ZNF658: variants seen among roughly 807,000 people sequenced by gnomAD.
ZNF658 encodes the protein zinc finger protein 658.
Under a neutral mutation model 78.0 loss-of-function variants are expected in ZNF658, and 46 were observed. The observed-to-expected ratio is 0.59, with a 90% CI of 0.47 to 0.75. The LOEUF is 0.75. ZNF658 is among the 30% of genes least tolerant of loss of function. The pLI is 0.00. For missense variants in ZNF658, 785 were observed against 1,189.3 expected, an observed-to-expected ratio of 0.66 and a Z score of 5.00; for synonymous variants, 279 against 408.4, an observed-to-expected ratio of 0.68 and a Z score of 3.82.
At position 66,921,012 on chromosome 9, in the gene ZNF658, A is replaced by G. The variant is rs1341555475; in HGVS notation, c.*266A>G. The G allele has an allele frequency of 1.9e-6, 1 of 518,700 alleles. No individual in the cohort carries two copies. The highest frequency in any genetic ancestry group is 3.5e-6 in the Non-Finnish European group (1 of 288,300). 32.1% of individuals were successfully genotyped at this position (518,700 alleles called of 1,614,324 possible). Reference sequence around the variant, plus strand: ...TGGATTTGGAGGTTATTTCTGCAGCAAACTTGGGTCCTGTGTGTTCAAAAC... The same window carrying G: ...TGGATTTGGAGGTTATTTCTGCAGCGAACTTGGGTCCTGTGTGTTCAAAAC... On this transcript the variant is annotated 3_prime_UTR_variant, in exon 5 of 5. Coordinates refer to ENST00000621410, the MANE Select transcript of ZNF658 (RefSeq NM_033160.7).
chr9:66,910,190 C>G (rs1298598887), intron 4 of ZNF658, among the ~76,000 whole-genome samples: 1 of 152,144 alleles, frequency 6.6e-6, no homozygotes, highest in Non-Finnish European at 1.5e-5. Context: ...ACAAATAAGT[C>G]TATAACAATT....
chr9:66,908,894 G>T (rs1822147589), intron 4 of ZNF658, among the ~76,000 whole-genome samples, 160 bp downstream of exon 4: 1 of 152,112 alleles, frequency 6.6e-6, no homozygotes, highest in African/African-American at 2.4e-5. Context: ...AGCAACCACA[G>T]ATCAAAACTA....
rs1309522761 is a variant in ZNF658 at position 66,918,943 on chromosome 9, G to A, written c.1377G>A (p.Leu459=). The A allele has an allele frequency of 6.7e-7, 1 of 1,496,680 alleles. No homozygotes were observed. The highest frequency in any genetic ancestry group is 1.8e-5 in the Admixed American group (1 of 54,296). 92.7% of individuals were successfully genotyped at this position (1,496,680 alleles called of 1,614,324 possible). A position where few individuals can be genotyped will look rare whatever the true frequency, so the allele number is the denominator to read the frequency against. The part of the protein sequence containing the change: ...FCQNSNLSKH[L]RIHTKEKPCD... ...AGAATTCAAACCTCAGTAAACATCT[G>A]AGAATTCACACAAAAGAGAAACCTT... The change falls in exon 5 of 5, where the codon CTG becomes CTA. Residue 459 remains leucine, a synonymous_variant. Coordinates refer to ENST00000621410, the MANE Select transcript of ZNF658 (RefSeq NM_033160.7).
chr9:66,908,267 G>T lies in ZNF658; in HGVS notation c.45G>T (p.Val15=). Residue 15 remains valine, a synonymous_variant, in exon 3 of 5, where the codon GTG becomes GTT. Coordinates refer to ENST00000621410, the MANE Select transcript of ZNF658 (RefSeq NM_033160.7). ...QASVSFQDVT[V]EFTREEWQHL... ...CAGTGTCATTCCAGGACGTGACTGT[G>T]GAATTCACCCGGGAGGAGTGGCAGC... 1 of 1,614,112 alleles carries T rather than the reference G, an allele frequency of 6.2e-7. No individual in the cohort carries two copies. Among genetic ancestry groups the T allele is most frequent in the Non-Finnish European group, 8.5e-7 (1 of 1,180,000 alleles).
Position 66,918,658 on chromosome 9 carries a change from G to C in ZNF658, c.1092G>C (p.Gln364His). ...EHNECTDALYQKLDFTAHQRI... is the reference protein window; with the variant it reads ...EHNECTDALYHKLDFTAHQRI... ...ATGAATGTACAGATGCCCTCTACCA[G>C]AAATTAGACTTTACAGCACATCAGA... The change falls in exon 5 of 5, where the codon CAG becomes CAC. Residue 364 changes from glutamine to histidine, a missense_variant. Gln to His is a conservative substitution (Grantham distance 24, BLOSUM62 0). This residue lies in a region of ZNF658 where 393 missense variants were observed against 400.2 expected (regional missense o/e 0.98). Transcript: ENST00000621410. 1 of 1,613,714 alleles carries C rather than the reference G, an allele frequency of 6.2e-7. No homozygotes were observed. Among genetic ancestry groups the C allele is most frequent in the Non-Finnish European group, 8.5e-7 (1 of 1,179,818 alleles).
Position 66,918,431 on chromosome 9 carries a change from A to G in ZNF658, c.865A>G (p.Lys289Glu), listed in dbSNP as rs1479520217. ...CAAAACCACCGCTGTTGAATACAATAAAGTTCACATGGCTATGACACACTA... is the reference window on the plus strand; with the variant it reads ...CAAAACCACCGCTGTTGAATACAATGAAGTTCACATGGCTATGACACACTA... ...CDKTTAVEYN[K>E]VHMAMTHYEC... The change falls in exon 5 of 5, where the codon AAA becomes GAA. Residue 289 changes from lysine to glutamate, a missense_variant. Coordinates refer to ENST00000621410, the MANE Select transcript of ZNF658 (RefSeq NM_033160.7). 5 of 1,612,148 alleles carry G rather than the reference A, an allele frequency of 3.1e-6. No homozygotes were observed. Among genetic ancestry groups the G allele is most frequent in the African/African-American group, 1.3e-5 (1 of 74,786 alleles).
intron 3 of ZNF658, 55 bp downstream of exon 3, chr9:66,908,419 G>A: frequency 1.2e-6 from 2 of 1,611,742 alleles, no homozygotes; most frequent in Non-Finnish European, 1.7e-6. Context: ...TTTTTAAAAA[G>A]TATCAAAACA....
At chr9:66,906,630 T>A (rs1458868737) in intron 2 of ZNF658, among the ~76,000 whole-genome samples, 6 of 152,026 alleles carry the variant, frequency 3.9e-5, no homozygotes, top group Non-Finnish European at 7.4e-5. Context: ...GGTCAGATAA[T>A]GAGGATTTTC....
At chr9:66,914,821 G>A (rs961657275) in intron 4 of ZNF658, among the ~76,000 whole-genome samples, 1 of 151,868 alleles carries the variant, frequency 6.6e-6, no homozygotes, top group African/African-American at 2.4e-5. Flanking sequence ...TACTTTTTGG[G>A]ACATTTTTGC....
chr9:66,901,454 T>C lies in ZNF658; in HGVS notation c.-45+618T>C, dbSNP rs530284811. Among the ~76,000 whole-genome samples, 1,366 of 151,344 alleles carry C rather than the reference T, an allele frequency of 9.0e-3. 24 individuals are homozygous for C. Among genetic ancestry groups the C allele is most frequent in the African/African-American group, 0.032 (1,305 of 41,218 alleles). On this transcript the variant is annotated intron_variant, in intron 1 of 4. Transcript: ENST00000621410. ...TTATGCAGAGTGGCCTGTCACCAGA[T>C]CTGTGTAGATGATTGTGAAGTAAAT...
chr9:66,905,425 G>A (rs1294108582), intron 2 of ZNF658, among the ~76,000 whole-genome samples: 1 of 150,670 alleles, frequency 6.6e-6, no homozygotes, highest in African/African-American at 2.5e-5. Flanking sequence ...AGCATTTTGG[G>A]CATGTAGATT....
Position 66,918,371 on chromosome 9 carries a change from T to C in ZNF658, c.805T>C (p.Cys269Arg), listed in dbSNP as rs770401529. The change falls in exon 5 of 5, where the codon TGC becomes CGC. Residue 269 changes from cysteine (C) to arginine (R), a missense_variant. Transcript: ENST00000621410. ...NHMRTDTRGK[C>R]SDLNEYGTSC... ...CATGAGAACTGACACAAGGGGGAAA[T>C]GCTCTGATCTTAATGAATATGGGAC... The C allele has an allele frequency of 1.2e-6, 2 of 1,613,830 alleles. No homozygotes were observed. Among genetic ancestry groups the C allele is most frequent in the Non-Finnish European group, 1.7e-6 (2 of 1,179,838 alleles).
At chr9:66,906,905 C>T (rs1001115214) in intron 2 of ZNF658, among the ~76,000 whole-genome samples, 22 of 152,054 alleles carry the variant, frequency 1.4e-4, no homozygotes, top group African/African-American at 3.9e-4. Flanking sequence ...CAGTTTTTGC[C>T]GGTTTCTCAT....
At chr9:66,931,319 T>TAC in intron 6 of ZNF658, among the ~76,000 whole-genome samples, 1 of 150,664 alleles carries the variant, frequency 6.6e-6, no homozygotes, top group Admixed American at 6.6e-5. Flanking sequence ...TCTGTGTGTA[T>TAC]ACACACACAG....
chr9:66,931,452 G>C (rs1225343989), intron 6 of ZNF658, among the ~76,000 whole-genome samples: 3 of 152,122 alleles, frequency 2.0e-5, no homozygotes, highest in Non-Finnish European at 2.9e-5. Flanking sequence ...CTCTGTAAGA[G>C]AGAGCCCCAG....
rs1217721836 is a variant in ZNF658, at chr9:66,903,384, C to T, written c.-44-134C>T. 9 of 640,808 alleles carry T rather than the reference C, an allele frequency of 1.4e-5. No homozygotes were observed. The East Asian group carries it at 1.8e-4, about 13-fold the overall frequency. The allele number at this position is 640,808 out of a possible 1,614,324, so 39.7% of individuals were successfully genotyped here. On this transcript the variant is annotated intron_variant, in intron 1 of 4. Coordinates refer to ENST00000621410, the MANE Select transcript of ZNF658 (RefSeq NM_033160.7). ...AGGCACATGAATAGGATTACATGCT[C>T]CTTGATTACAGTGGGGTTATGTCGC...
intron 4 of ZNF658, among the ~76,000 whole-genome samples, chr9:66,909,184 T>G (rs1232489047): frequency 6.6e-6 from 1 of 152,062 alleles, no homozygotes; most frequent in Non-Finnish European, 1.5e-5. Context: ...TGACTGTATA[T>G]GCAGACATCA....
rs1451020446 is a variant in ZNF658 at position 66,917,858 on chromosome 9, C to T, written c.292C>T (p.Leu98=). ...GATCCGGGAAAAACAAGAAAAACCTCTGTGGCAAGAAATATTCATCAGTGA... is the reference window on the plus strand; with the variant it reads ...GATCCGGGAAAAACAAGAAAAACCTTTGTGGCAAGAAATATTCATCAGTGA... ...KGIREKQEKP[L]WQEIFISDAD... The change falls in exon 5 of 5, where the codon CTG becomes TTG. Residue 98 remains leucine, a synonymous_variant. Transcript: ENST00000621410. 1.9e-6 allele frequency: 3 copies of T among 1,578,912 alleles called. No individual in the cohort carries two copies. Among genetic ancestry groups the T allele is most frequent in the East Asian group, 4.5e-5 (2 of 44,356 alleles).
chr9:66,904,944 T>A (rs1437588184), intron 2 of ZNF658, among the ~76,000 whole-genome samples: 1 of 151,900 alleles, frequency 6.6e-6, no homozygotes, highest in Non-Finnish European at 1.5e-5. Flanking sequence ...TCATTATAAA[T>A]CAGCCTGTAA....
Sources: gnomAD v4.1 joint callset for allele counts (sites outside exome capture counted in the v4.1 genomes callset) on GRCh38, gnomAD v4.1.1 for gene constraint, gnomAD v4.1.1 regional missense constraint, MANE v1.5 for transcripts, NCBI Gene and HGNC (gene_info 2026-07-23, HGNC 2026-07-21) for gene names.